Variants in KCNAB2 observed in about 807,000 individuals in gnomAD.
The protein encoded by KCNAB2 is potassium voltage-gated channel subfamily A regulatory beta subunit 2.
A neutral mutation model predicts 63.6 loss-of-function variants in KCNAB2; 29 were observed. The ratio of observed to expected loss-of-function variants is 0.46; its 90% CI spans 0.34 to 0.62. The LOEUF (loss-of-function observed/expected upper bound fraction) is 0.62. Among genes scored for constraint, KCNAB2 ranks in the 20% least tolerant of loss-of-function variants. KCNAB2 has a pLI of 0.01. For synonymous variants in KCNAB2, 222 were observed against 224.2 expected (o/e 0.99, Z 0.09); for missense variants, 359 against 563.9 (o/e 0.64, Z 3.68).
In KCNAB2 at chr1:6,098,705, G is replaced by A. The variant is rs529488541; in HGVS notation, c.*131G>A. On this transcript the variant is annotated 3_prime_UTR_variant, in exon 16 of 16. Coordinates refer to ENST00000378083, the MANE Select transcript of KCNAB2 (RefSeq NM_001199862.2). ...GAAAACACCACACTGTGATGTCATC[G>A]GGAAATGATCTCCCAAGTCGCTGCC... 26 of 1,169,708 alleles carry A rather than the reference G, an allele frequency of 2.2e-5. No homozygotes were observed. Among genetic ancestry groups the A allele is most frequent in the South Asian group, 1.1e-4 (7 of 65,094 alleles). 72.5% of individuals were successfully genotyped at this position (1,169,708 alleles called of 1,614,324 possible). A position where few individuals can be genotyped will look rare whatever the true frequency, so the allele number is the denominator to read the frequency against.
At chr1:6,048,577 A>G (rs1661130985) in intron 1 of KCNAB2, among the ~76,000 whole-genome samples, 1 of 152,248 alleles carries the variant, frequency 6.6e-6, no homozygotes, top group African/African-American at 2.4e-5. Context: ...TTCTAGAGCC[A>G]AACCAGACCC....
chr1:6,053,843 A>T (rs1267690017), intron 2 of KCNAB2, among the ~76,000 whole-genome samples: 4 of 151,998 alleles, frequency 2.6e-5, no homozygotes, highest in African/African-American at 9.7e-5. Context: ...GCACTTTAGG[A>T]GGCAGCCTGG....
At chr1:6,075,307 C>T (rs1227301414) in intron 4 of KCNAB2, among the ~76,000 whole-genome samples, 1 of 152,222 alleles carries the variant, frequency 6.6e-6, no homozygotes, top group African/African-American at 2.4e-5. Flanking sequence ...AATGAGATGA[C>T]GTTTTCACCA....
intron 1 of KCNAB2, among the ~76,000 whole-genome samples, chr1:5,992,967 C>T (rs367669271): frequency 2.0e-5 from 3 of 152,094 alleles, no homozygotes; most frequent in African/African-American, 4.8e-5. Context: ...AGCCTCCTCA[C>T]CTCCTTCTCC....
intron 7 of KCNAB2, among the ~76,000 whole-genome samples, chr1:6,088,771 C>A (rs533713643): frequency 6.7e-6 from 1 of 149,436 alleles, no homozygotes; most frequent in Non-Finnish European, 1.5e-5. Flanking sequence ...AAAATCAAAG[C>A]CCCCCACCCC....
At position 6,073,362 on chromosome 1, in the gene KCNAB2, C is replaced by T. The variant is rs1289146885; in HGVS notation, c.263-371C>T. ...TCCCCGCTCTGTCCCAGCAGGAGCACGCAGACGCGGCTGTCAGACCTGGTG... is the reference window on the plus strand; with the variant it reads ...TCCCCGCTCTGTCCCAGCAGGAGCATGCAGACGCGGCTGTCAGACCTGGTG... On this transcript the variant is annotated intron_variant, in intron 3 of 15. Coordinates refer to ENST00000378083, the MANE Select transcript of KCNAB2 (RefSeq NM_001199862.2). The surrounding 1 kb of genome is among the most constrained non-coding windows in gnomAD (Gnocchi z 5.7). Among the ~76,000 whole-genome samples, 2 of 152,154 alleles carry T rather than the reference C, an allele frequency of 1.3e-5. No homozygotes were observed. Among genetic ancestry groups the T allele is most frequent in the Admixed American group, 6.5e-5 (1 of 15,280 alleles).
At chr1:6,038,932 T>C (rs560347978) in intron 1 of KCNAB2, among the ~76,000 whole-genome samples, 34 of 152,292 alleles carry the variant, frequency 2.2e-4, no homozygotes, top group African/African-American at 8.2e-4. Context: ...TGATTTTGGA[T>C]CAGGGGTCAT....
chr1:6,056,912 C>T (rs1240944145), intron 2 of KCNAB2, among the ~76,000 whole-genome samples: 1 of 151,912 alleles, frequency 6.6e-6, no homozygotes, highest in African/African-American at 2.4e-5. Context: ...TCAGAAGCCC[C>T]TCTCCTGAGT....
chr1:6,088,995 G>A lies in KCNAB2; in HGVS notation c.471-13G>A. Reference sequence around the variant, plus strand: ...CCGCTGGTGACATCACACGCGGTCGGCCTGTTTTCCAGGGCGGAGACGGAG... The same window carrying A: ...CCGCTGGTGACATCACACGCGGTCGACCTGTTTTCCAGGGCGGAGACGGAG... On this transcript the variant is annotated splice_polypyrimidine_tract_variant and intron_variant, in intron 7 of 15. Transcript: ENST00000378083. The A allele has an allele frequency of 1.9e-6, 3 of 1,548,086 alleles. No individual in the cohort carries two copies. Among genetic ancestry groups the A allele is most frequent in the Non-Finnish European group, 2.6e-6 (3 of 1,145,612 alleles).
intron 2 of KCNAB2, among the ~76,000 whole-genome samples, chr1:6,068,796 TC>T (rs1177370007): frequency 2.0e-5 from 3 of 152,078 alleles, no homozygotes; most frequent in African/African-American, 7.2e-5. Context: ...TCTGGCCTCC[TC>T]CCTGGGAAGC....
chr1:6,066,932 G>T (rs993123716), intron 2 of KCNAB2, among the ~76,000 whole-genome samples: 1 of 152,236 alleles, frequency 6.6e-6, no homozygotes, highest in East Asian at 1.9e-4. Context: ...TCTGGCTCCC[G>T]GTGCTGTGAC....
chr1:6,022,410 T>C (rs1658898744), intron 1 of KCNAB2, among the ~76,000 whole-genome samples: 2 of 151,790 alleles, frequency 1.3e-5, no homozygotes, highest in Admixed American at 1.3e-4. Flanking sequence ...TCAGTGGTAT[T>C]GAGTGTATAA....
chr1:6,027,219 A>AGTGTGTGTGTGT (rs70981306), intron 1 of KCNAB2: 1 of 141,334 alleles, frequency 7.1e-6, no homozygotes, highest in African/African-American at 2.7e-5. Context: ...TGGGGGACAC[A>AGTGTGTGTGTGT]GTGTGTGTGT....
upstream of KCNAB2, among the ~76,000 whole-genome samples, chr1:6,042,318 A>G (rs910901893): frequency 1.3e-5 from 2 of 152,164 alleles, no homozygotes; most frequent in African/African-American, 4.8e-5. Flanking sequence ...CCTCAGGCTC[A>G]TTGAAGGTTA....
At chr1:6,045,264 C>T (rs1387460958), upstream of KCNAB2, among the ~76,000 whole-genome samples, 4 of 152,184 alleles carry the variant, frequency 2.6e-5, no homozygotes, top group Non-Finnish European at 4.4e-5. The surrounding 1 kb of genome is among the most constrained non-coding windows in gnomAD (Gnocchi z 4.8). Context: ...CATTCACTGG[C>T]GCGCTTTCTC....
At chr1:6,089,132 C>T in intron 8 of KCNAB2, 81 bp downstream of exon 8, 1 of 1,415,292 alleles carries the variant, frequency 7.1e-7, no homozygotes, top group Middle Eastern at 2.4e-4. Flanking sequence ...AGCACAGGGC[C>T]CGACCCCCCC....
Position 6,085,264 on chromosome 1 carries a change from T to G in KCNAB2, c.425+16T>G. 2 of 1,612,752 alleles carry G rather than the reference T, an allele frequency of 1.2e-6. No individual in the cohort carries two copies. Among genetic ancestry groups the G allele is most frequent in the South Asian group, 1.1e-5 (1 of 91,056 alleles). ...AAGGATGGAGGTAACGGCCCTGCTCTCTGCGGCCTGTCCCTGGGGTGGGTG... is the reference window on the plus strand; with the variant it reads ...AAGGATGGAGGTAACGGCCCTGCTCGCTGCGGCCTGTCCCTGGGGTGGGTG... On this transcript the variant is annotated intron_variant, in intron 6 of 15. Coordinates refer to ENST00000378083, the MANE Select transcript of KCNAB2 (RefSeq NM_001199862.2).
chr1:6,023,291 T>C (rs957089553), intron 1 of KCNAB2, among the ~76,000 whole-genome samples: 2 of 152,234 alleles, frequency 1.3e-5, no homozygotes, highest in African/African-American at 4.8e-5. Flanking sequence ...GAGACCCTGT[T>C]TGCAATTATT....
chr1:6,093,019 C>T (rs1665315421), intron 10 of KCNAB2, among the ~76,000 whole-genome samples: 1 of 152,210 alleles, frequency 6.6e-6, no homozygotes, highest in Non-Finnish European at 1.5e-5. Flanking sequence ...GGAGCGACCC[C>T]CAAAACAGAA....
Sources: allele counts gnomAD v4.1 joint callset (sites outside exome capture counted in the v4.1 genomes callset), GRCh38; gene constraint gnomAD v4.1.1; non-coding constraint Gnocchi (gnomAD v3.1); transcripts MANE v1.5; gene names NCBI Gene and HGNC (gene_info 2026-07-23, HGNC 2026-07-21).